Variants in WWP2 observed in about 807,000 individuals in gnomAD.
The protein encoded by WWP2 is WW domain containing E3 ubiquitin protein ligase 2.
WWP2 carries 57 observed loss-of-function variants against 121.0 expected under a neutral mutation model. That is an observed-to-expected ratio of 0.47 (90% CI 0.38 to 0.59). WWP2 has a LOEUF of 0.59. WWP2 is among the 20% of genes least tolerant of loss of function. The pLI, the probability that WWP2 is intolerant of heterozygous loss-of-function variation, is 0.00. For missense variants in WWP2, 962 were observed against 1,158.9 expected, an observed-to-expected ratio of 0.83 and a Z score of 2.47; for synonymous variants, 449 against 441.3, an observed-to-expected ratio of 1.02 and a Z score of -0.22.
At chr16:69,841,020 G>A (rs1208179116) in intron 5 of WWP2, among the ~76,000 whole-genome samples, 3 of 152,140 alleles carry the variant, frequency 2.0e-5, no homozygotes, top group South Asian at 4.1e-4. Context: ...TGGACTGATC[G>A]GTGTTTGGGG....
intron 9 of WWP2, among the ~76,000 whole-genome samples, chr16:69,913,515 A>T (rs1347645447): frequency 6.6e-6 from 1 of 151,888 alleles, no homozygotes; most frequent in Non-Finnish European, 1.5e-5. Context: ...AAATTATAAT[A>T]ATAAATAAAA....
rs1415417387 is a variant in WWP2 at position 69,931,225 on chromosome 16, C to T, written c.1519C>T (p.His507Tyr). Residue 507 changes from histidine (H) to tyrosine (Y), a missense_variant and splice_region_variant, in exon 14 of 24, where the codon CAT becomes TAT. By Grantham distance (83) the His-to-Tyr change is moderately conservative. Transcript: ENST00000359154. ...GTATCACCAGTTCCGTTTCCTCTGC[C>T]ATGTGAGTTCTGGTACTGGGGCTCC... ...WKYHQFRFLC[H>Y]SNALPSHVKI... is the part of the protein sequence containing the mutation. The T allele has an allele frequency of 6.2e-7, 1 of 1,614,130 alleles. No homozygotes were observed. Among genetic ancestry groups the T allele is most frequent in the Admixed American group, 1.7e-5 (1 of 60,024 alleles).
intron 6 of WWP2, among the ~76,000 whole-genome samples, chr16:69,843,891 C>G (rs1959045325): frequency 6.6e-6 from 1 of 152,058 alleles, no homozygotes; most frequent in African/African-American, 2.4e-5. Flanking sequence ...ACTTCCCAAA[C>G]AGACCCTAGG....
At chr16:69,848,077 G>T (rs559328664) in intron 6 of WWP2, among the ~76,000 whole-genome samples, 1 of 152,264 alleles carries the variant, frequency 6.6e-6, no homozygotes, top group South Asian at 2.1e-4. Flanking sequence ...AAAATGAGAA[G>T]AATGCATTTA....
chr16:69,900,761 T>C (rs1312281975), intron 8 of WWP2, among the ~76,000 whole-genome samples: 2 of 152,074 alleles, frequency 1.3e-5, no homozygotes, highest in African/African-American at 2.4e-5. Context: ...TGACCTCAGG[T>C]GATCTGCCCG....
intron 4 of WWP2, among the ~76,000 whole-genome samples, chr16:69,830,341 G>A (rs1055025663): frequency 2.6e-5 from 4 of 151,880 alleles, no homozygotes; most frequent in Non-Finnish European, 5.9e-5. Context: ...CTCCTGCCTC[G>A]GCCTCCCAAA....
At chr16:69,884,497 A>G (rs2057888523) in intron 7 of WWP2, among the ~76,000 whole-genome samples, 1 of 152,124 alleles carries the variant, frequency 6.6e-6, no homozygotes, top group South Asian at 2.1e-4. Context: ...GCATGGTAGC[A>G]TGAGCCTGTA....
At chr16:69,919,004 C>T (rs1296113049) in intron 10 of WWP2, among the ~76,000 whole-genome samples, 5 of 151,364 alleles carry the variant, frequency 3.3e-5, no homozygotes, top group African/African-American at 9.7e-5. Context: ...CCACCACACC[C>T]GGCTAATTTT....
intron 6 of WWP2, among the ~76,000 whole-genome samples, chr16:69,848,704 A>C (rs1057473318): frequency 6.8e-6 from 1 of 146,842 alleles, no homozygotes; most frequent in South Asian, 2.2e-4. Context: ...TTCCTTTCTT[A>C]TGTGTATATG....
At chr16:69,795,168 C>T (rs573537335) in intron 2 of WWP2, among the ~76,000 whole-genome samples, 6 of 151,824 alleles carry the variant, frequency 4.0e-5, no homozygotes, top group Non-Finnish European at 7.4e-5. Context: ...CCAGGTAGGT[C>T]GAGGCTGCAG....
rs556483425 is a variant in WWP2 at position 69,821,826 on chromosome 16, G to T, written c.341-18300G>T. ...TCCCATCTCGGCCTCCCAAAGAGCTGGGATTATAGGCGTGAGCCACCATGC... is the reference window on the plus strand; with the variant it reads ...TCCCATCTCGGCCTCCCAAAGAGCTTGGATTATAGGCGTGAGCCACCATGC... On this transcript the variant is annotated intron_variant, in intron 4 of 23. Coordinates refer to ENST00000359154, the MANE Select transcript of WWP2 (RefSeq NM_001270454.2). Among the ~76,000 whole-genome samples the T allele has an allele frequency of 2.2e-3, 330 of 150,406 alleles. 2 individuals carry two copies. The highest frequency in any genetic ancestry group is 5.5e-3 in the South Asian group (26 of 4,758).
intron 9 of WWP2, among the ~76,000 whole-genome samples, chr16:69,914,188 G>A (rs576704451): frequency 5.3e-5 from 8 of 151,580 alleles, no homozygotes; most frequent in Admixed American, 2.6e-4. Flanking sequence ...AAGAACTTGC[G>A]GAATAGCAGG....
chr16:69,916,448 C>T (rs539532671), intron 9 of WWP2, among the ~76,000 whole-genome samples: 1 of 152,134 alleles, frequency 6.6e-6, no homozygotes, highest in Non-Finnish European at 1.5e-5. Flanking sequence ...GGAGTGTGAC[C>T]GAAGGGCTCA....
At chr16:69,929,856 A>G (rs1597176880) in intron 12 of WWP2, among the ~76,000 whole-genome samples, 2 of 152,230 alleles carry the variant, frequency 1.3e-5, no homozygotes, top group South Asian at 4.1e-4. Flanking sequence ...CCCCAAGTGA[A>G]GCTGTGCTGG....
chr16:69,790,129 C>A (rs975321952), intron 2 of WWP2, among the ~76,000 whole-genome samples: 1 of 152,130 alleles, frequency 6.6e-6, no homozygotes, highest in African/African-American at 2.4e-5. Flanking sequence ...CGCATGTAAT[C>A]CCAGCTACTT....
intron 10 of WWP2, among the ~76,000 whole-genome samples, chr16:69,919,088 CCCT>C (rs1177701920): frequency 8.3e-5 from 2 of 24,160 alleles, no homozygotes; most frequent in Non-Finnish European, 1.3e-4. Context: ...AAGTGACCTG[CCCT>C]CCTCGGCCTC....
Position 69,783,392 on chromosome 16 carries a change from C to A in WWP2, c.-15-3604C>A, listed in dbSNP as rs930087010. Among the ~76,000 whole-genome samples, 4 of 152,028 alleles carry A rather than the reference C, an allele frequency of 2.6e-5. No homozygotes were observed. In the South Asian group the frequency reaches 8.3e-4, roughly 32 times the overall value. On this transcript the variant is annotated intron_variant, in intron 1 of 23. Coordinates refer to ENST00000359154, the MANE Select transcript of WWP2 (RefSeq NM_001270454.2). ...CAACTCTTTAAGATAAGTCAGGCACCGGGCTTGGTGGTCCGATCCTGTATT... is the reference window on the plus strand; with the variant it reads ...CAACTCTTTAAGATAAGTCAGGCACAGGGCTTGGTGGTCCGATCCTGTATT...
At chr16:69,857,644 G>A (rs1393630060) in intron 6 of WWP2, among the ~76,000 whole-genome samples, 1 of 147,244 alleles carries the variant, frequency 6.8e-6, no homozygotes, top group Non-Finnish European at 1.5e-5. Context: ...AATGGCCTTT[G>A]AAGGTCAACT....
chr16:69,915,767 C>A (rs2058471096), intron 9 of WWP2, among the ~76,000 whole-genome samples: 1 of 152,092 alleles, frequency 6.6e-6, no homozygotes, highest in Admixed American at 6.6e-5. Flanking sequence ...GGTGCAGGGG[C>A]TCACACCTGT....
Sources: allele counts gnomAD v4.1 joint callset (sites outside exome capture counted in the v4.1 genomes callset), GRCh38; gene constraint gnomAD v4.1.1; transcripts MANE v1.5; gene names NCBI Gene and HGNC (gene_info 2026-07-23, HGNC 2026-07-21).